The following ROR1 variants were observed in gnomAD, a reference collection of about 807,000 sequenced individuals.
ROR1 encodes inactive tyrosine-protein kinase transmembrane receptor ROR1.
ROR1 carries 19 observed loss-of-function variants against 78.8 expected under a neutral mutation model. The ratio of observed to expected loss-of-function variants is 0.24; its 90% confidence interval spans 0.17 to 0.35. The LOEUF (loss-of-function observed/expected upper bound fraction) is 0.35, where lower values mean the gene tolerates loss of function less well. Among genes scored for constraint, ROR1 ranks in the 10% least tolerant of loss-of-function variants. ROR1 has a pLI of 1.00. For synonymous variants in ROR1, 386 were observed against 433.6 expected, an observed-to-expected ratio of 0.89 and a Z score of 1.36; for missense variants, 917 against 1,177.8, an observed-to-expected ratio of 0.78 and a Z score of 3.24.
At chr1:64,023,646 A>T (rs895266834) in intron 2 of ROR1, among the ~76,000 whole-genome samples, 4 of 152,234 alleles carry the variant, frequency 2.6e-5, no homozygotes, top group Admixed American at 6.5e-5. Flanking sequence ...GCTAACAGAT[A>T]CTGTTTGTCT....
intron 2 of ROR1, among the ~76,000 whole-genome samples, chr1:64,010,714 C>T (rs1029537737): frequency 6.6e-6 from 1 of 152,092 alleles, no homozygotes; most frequent in Non-Finnish European, 1.5e-5. Flanking sequence ...TGAGAGGGAC[C>T]AGGTGGAGAT....
chr1:64,040,881 G>T (rs1289887325), intron 2 of ROR1, among the ~76,000 whole-genome samples: 3 of 152,132 alleles, frequency 2.0e-5, no homozygotes, highest in Non-Finnish European at 4.4e-5. Flanking sequence ...TCAGCAAAAG[G>T]TCTCTTAGAG....
chr1:63,964,858 C>T (rs1421641155), intron 1 of ROR1, among the ~76,000 whole-genome samples: 1 of 152,172 alleles, frequency 6.6e-6, no homozygotes, highest in African/African-American at 2.4e-5. Context: ...AGAGGCATGA[C>T]CTGAAGCTTC....
intron 1 of ROR1, among the ~76,000 whole-genome samples, chr1:63,869,175 A>G (rs1365574175): frequency 6.6e-6 from 1 of 152,180 alleles, no homozygotes; most frequent in Non-Finnish European, 1.5e-5. Context: ...TGTTTTTTGG[A>G]ACCATGAAAG....
chr1:64,107,645 A>G (rs1647878706), intron 4 of ROR1, among the ~76,000 whole-genome samples: 1 of 150,490 alleles, frequency 6.6e-6, no homozygotes. Flanking sequence ...CCAGAAATTG[A>G]GTGCTTTTCT....
chr1:63,927,610 G>T (rs1645715928), intron 1 of ROR1, among the ~76,000 whole-genome samples: 1 of 151,928 alleles, frequency 6.6e-6, no homozygotes, highest in Non-Finnish European at 1.5e-5. Context: ...AGTCCTGGGG[G>T]GATGTTGATA....
At chr1:63,810,262 GA>G (rs1644852541) in intron 1 of ROR1, among the ~76,000 whole-genome samples, 1 of 152,222 alleles carries the variant, frequency 6.6e-6, no homozygotes, top group African/African-American at 2.4e-5. Flanking sequence ...GAAACAGCCA[GA>G]GGAGGCAAAA....
intron 1 of ROR1, among the ~76,000 whole-genome samples, chr1:63,906,422 C>A (rs995420065): frequency 6.6e-6 from 1 of 152,164 alleles, no homozygotes; most frequent in Non-Finnish European, 1.5e-5. Flanking sequence ...TGTATGCCTG[C>A]GAATGACCTT....
At chr1:63,860,797 G>A (rs114419684) in intron 1 of ROR1, among the ~76,000 whole-genome samples, 6 of 149,474 alleles carry the variant, frequency 4.0e-5, no homozygotes, top group African/African-American at 1.2e-4. Context: ...AAAAGAAGAA[G>A]AAGAATGGAA....
intron 4 of ROR1, among the ~76,000 whole-genome samples, chr1:64,074,327 T>C (rs1239174538): frequency 6.6e-6 from 1 of 152,092 alleles, no homozygotes; most frequent in Non-Finnish European, 1.5e-5. Flanking sequence ...CAAGGTGGAG[T>C]AGCTACATTA....
At chr1:63,808,181 A>G (rs763342478) in intron 1 of ROR1, among the ~76,000 whole-genome samples, 2 of 152,156 alleles carry the variant, frequency 1.3e-5, no homozygotes, top group African/African-American at 2.4e-5. Context: ...CTGGTGAAAG[A>G]GACATAAACA....
Position 64,078,762 on chromosome 1 carries a change from G to A in ROR1, c.482+28046G>A, listed in dbSNP as rs114777807. Among the ~76,000 whole-genome samples, 530 of 152,236 alleles carry A rather than the reference G, an allele frequency of 3.5e-3. 6 individuals carry two copies. Among genetic ancestry groups the A allele is most frequent in the African/African-American group, 0.012 (515 of 41,544 alleles). ...AAGAGGGGGCAGAAGGAAAAGATAC[G>A]ATCTTAAGAGTTGTACCTGCATGAC... is the stretch of plus-strand genomic sequence containing the variant. On this transcript the variant is annotated intron_variant, in intron 4 of 8. Coordinates refer to ENST00000371079, the MANE Select transcript of ROR1 (RefSeq NM_005012.4).
chr1:63,842,910 C>A (rs1018394679), intron 1 of ROR1, among the ~76,000 whole-genome samples: 2 of 151,874 alleles, frequency 1.3e-5, no homozygotes, highest in Non-Finnish European at 1.5e-5. Flanking sequence ...AAATATAGGC[C>A]CCTCTCCACA....
At chr1:64,128,422 T>C (rs576058544) in intron 4 of ROR1, among the ~76,000 whole-genome samples, 74 of 151,928 alleles carry the variant, frequency 4.9e-4, no homozygotes, top group Non-Finnish European at 9.6e-4. Flanking sequence ...TGAGCTGTGG[T>C]CTCACCACCG....
At position 63,963,421 on chromosome 1, in the gene ROR1, T is replaced by A. The variant is rs977245084; in HGVS notation, c.92-45884T>A. Among the ~76,000 whole-genome samples, 3 of 151,662 alleles carry A rather than the reference T, an allele frequency of 2.0e-5. 1 individual carries two copies. The highest frequency in any genetic ancestry group is 4.4e-5 in the Non-Finnish European group (3 of 67,926). On this transcript the variant is annotated intron_variant, in intron 1 of 8. Coordinates refer to ENST00000371079, the MANE Select transcript of ROR1 (RefSeq NM_005012.4). ...CATCTCTACTAAAAAATACAAAAAT[T>A]AGCCAGGCATGGTGGTGCACACCTG...
At chr1:63,982,370 A>C (rs1646217387) in intron 1 of ROR1, among the ~76,000 whole-genome samples, 1 of 152,128 alleles carries the variant, frequency 6.6e-6, no homozygotes, top group Non-Finnish European at 1.5e-5. Context: ...GAAAATTGCA[A>C]AGCGCTATGT....
intron 1 of ROR1, among the ~76,000 whole-genome samples, chr1:63,901,821 G>T (rs1272104287): frequency 6.6e-6 from 1 of 152,066 alleles, no homozygotes; most frequent in Non-Finnish European, 1.5e-5. Context: ...GTGCTAGCTA[G>T]TGTACAAACT....
chr1:64,137,799 G>A (rs775681313), intron 5 of ROR1, among the ~76,000 whole-genome samples: 1 of 152,206 alleles, frequency 6.6e-6, no homozygotes. Context: ...GTGATGGTGT[G>A]TAAATAAGCC....
intron 1 of ROR1, among the ~76,000 whole-genome samples, chr1:63,807,095 C>T (rs1422116305): frequency 6.6e-6 from 1 of 152,176 alleles, no homozygotes; most frequent in African/African-American, 2.4e-5. Flanking sequence ...TTGAGAGCAT[C>T]TGACCCTAAG....
Sources: allele counts gnomAD v4.1 joint callset (sites outside exome capture counted in the v4.1 genomes callset), GRCh38; gene constraint gnomAD v4.1.1; transcripts MANE v1.5; gene names NCBI Gene and HGNC (gene_info 2026-07-23, HGNC 2026-07-21).